The following LRMDA variants were observed in gnomAD, a reference collection of about 807,000 sequenced individuals.
LRMDA encodes leucine rich melanocyte differentiation associated.
LRMDA carries 18 observed loss-of-function variants against 29.8 expected under a neutral mutation model. The observed-to-expected ratio is 0.60, with a 90% CI of 0.42 to 0.90. The LOEUF (loss-of-function observed/expected upper bound fraction) is 0.90, where lower values mean the gene tolerates loss of function less well. LRMDA is among the 40% of genes least tolerant of loss of function. The probability of loss-of-function intolerance (pLI) is 0.00; values close to 1 mark genes in which losing one functional copy is unlikely to be tolerated. For synonymous variants in LRMDA, 125 were observed against 109.4 expected, an observed-to-expected ratio of 1.14 and a Z score of -0.89; for missense variants, 273 against 273.9, an observed-to-expected ratio of 1.00 and a Z score of 0.02.
In LRMDA at chr10:76,126,557, CCT is replaced by C. The variant is rs556236643; in HGVS notation, c.516+67780_516+67781del. On this transcript the variant is annotated intron_variant, in intron 5 of 6. Transcript: ENST00000611255. ...GTCTTTCATCCAGCCAATTGTTTCC[CCT>C]CTCTCCACTGCCTTTCTCCTCTCTA... Among the ~76,000 whole-genome samples the C allele has an allele frequency of 1.2e-3, 190 of 152,220 alleles. 1 individual carries two copies. Among genetic ancestry groups the C allele is most frequent in the South Asian group, 1.7e-3 (8 of 4,814 alleles).
At chr10:76,204,207 CCTGT>C (rs1851491719) in intron 5 of LRMDA, among the ~76,000 whole-genome samples, 1 of 150,330 alleles carries the variant, frequency 6.7e-6, no homozygotes, top group African/African-American at 2.5e-5. Flanking sequence ...ATTCCATGTG[CCTGT>C]CCACCCATCT....
At chr10:76,184,239 C>T (rs1469695565) in intron 5 of LRMDA, among the ~76,000 whole-genome samples, 2 of 152,016 alleles carry the variant, frequency 1.3e-5, no homozygotes, top group Non-Finnish European at 2.9e-5. Context: ...CCGTGTTGGC[C>T]AGGCTGGTTT....
chr10:75,856,758 T>C (rs563667170), intron 2 of LRMDA, among the ~76,000 whole-genome samples: 1 of 152,304 alleles, frequency 6.6e-6, no homozygotes, highest in South Asian at 2.1e-4. Flanking sequence ...AGCATTCCCC[T>C]TGAAAACTGG....
At chr10:75,576,026 A>T (rs1489258216) in intron 2 of LRMDA, among the ~76,000 whole-genome samples, 1 of 146,250 alleles carries the variant, frequency 6.8e-6, no homozygotes, top group Non-Finnish European at 1.5e-5. Context: ...AGAACCATTC[A>T]CTCCCCTGAA....
At chr10:76,426,108 G>GT (rs1396002243) in intron 6 of LRMDA, among the ~76,000 whole-genome samples, 1 of 152,146 alleles carries the variant, frequency 6.6e-6, no homozygotes, top group Non-Finnish European at 1.5e-5. Flanking sequence ...ATTCCTTTGG[G>GT]TATATAGCCA....
intron 2 of LRMDA, among the ~76,000 whole-genome samples, chr10:75,441,252 C>T (rs1844323851): frequency 6.6e-6 from 1 of 152,136 alleles, no homozygotes; most frequent in Non-Finnish European, 1.5e-5. Context: ...CCCCTCTGCC[C>T]CTCACTATAT....
At chr10:76,528,588 A>G (rs1368436803) in intron 6 of LRMDA, among the ~76,000 whole-genome samples, 2 of 152,178 alleles carry the variant, frequency 1.3e-5, no homozygotes, top group African/African-American at 4.8e-5. Context: ...TCCCCAAACA[A>G]CAATATAGTC....
At chr10:75,784,267 A>G (rs1843434178) in intron 2 of LRMDA, among the ~76,000 whole-genome samples, 1 of 152,206 alleles carries the variant, frequency 6.6e-6, no homozygotes, top group Admixed American at 6.5e-5. Context: ...CTCACCTATA[A>G]AATGGGGATA....
chr10:76,082,212 A>G (rs1265479746), intron 5 of LRMDA, among the ~76,000 whole-genome samples: 3 of 152,150 alleles, frequency 2.0e-5, no homozygotes, highest in African/African-American at 7.2e-5. Flanking sequence ...ATCTGTGTAT[A>G]CGCAGGGGGC....
intron 6 of LRMDA, among the ~76,000 whole-genome samples, chr10:76,524,451 G>T (rs1453581664): frequency 6.6e-6 from 1 of 152,146 alleles, no homozygotes; most frequent in Non-Finnish European, 1.5e-5. Context: ...CAACTTTAAT[G>T]GTTATTAGTG....
At chr10:76,037,467 G>A (rs961879216) in intron 3 of LRMDA, among the ~76,000 whole-genome samples, 1 of 152,238 alleles carries the variant, frequency 6.6e-6, no homozygotes. Flanking sequence ...GTTAGCTACT[G>A]TTTATACTTC....
chr10:76,253,783 A>AT (rs1852530534), intron 5 of LRMDA, among the ~76,000 whole-genome samples: 1 of 152,000 alleles, frequency 6.6e-6, no homozygotes, highest in Non-Finnish European at 1.5e-5. Context: ...ATCTATAAGA[A>AT]TTTTTTTGTT....
chr10:76,175,987 C>A (rs1167440076), intron 5 of LRMDA, among the ~76,000 whole-genome samples: 1 of 152,186 alleles, frequency 6.6e-6, no homozygotes. Flanking sequence ...GTGCAGATTT[C>A]TACCCAGCCA....
chr10:75,668,558 C>T (rs928720324), intron 2 of LRMDA, among the ~76,000 whole-genome samples: 12 of 152,086 alleles, frequency 7.9e-5, no homozygotes, highest in Admixed American at 5.2e-4. Context: ...GCTTTTTTGT[C>T]GGCTTTGTTT....
chr10:75,943,436 GC>G (rs1846427924), intron 2 of LRMDA, among the ~76,000 whole-genome samples: 1 of 152,134 alleles, frequency 6.6e-6, no homozygotes, highest in South Asian at 2.1e-4. Context: ...AAGGTACACA[GC>G]CAGAAATAAT....
intron 2 of LRMDA, among the ~76,000 whole-genome samples, chr10:75,468,209 A>G (rs1220965452): frequency 6.6e-6 from 1 of 152,174 alleles, no homozygotes; most frequent in Admixed American, 6.5e-5. Flanking sequence ...CTTCACATAA[A>G]TGGTTGTCGG....
intron 2 of LRMDA, among the ~76,000 whole-genome samples, chr10:75,708,051 T>G (rs2132174830): frequency 6.6e-6 from 1 of 152,328 alleles, no homozygotes; most frequent in East Asian, 1.9e-4. Context: ...GTTCTAGTGT[T>G]TTCACTTAAG....
intron 6 of LRMDA, among the ~76,000 whole-genome samples, chr10:76,414,617 T>C (rs1285452259): frequency 6.6e-6 from 1 of 152,182 alleles, no homozygotes; most frequent in Non-Finnish European, 1.5e-5. Flanking sequence ...TGAGAGGGCC[T>C]GGAAAAGGAG....
chr10:76,041,706 T>C (rs1848343110), intron 3 of LRMDA, among the ~76,000 whole-genome samples: 1 of 152,156 alleles, frequency 6.6e-6, no homozygotes, highest in African/African-American at 2.4e-5. Flanking sequence ...GGCAAGATGC[T>C]GCTTTGATCT....
Sources: allele counts gnomAD v4.1 joint callset (sites outside exome capture counted in the v4.1 genomes callset), GRCh38; gene constraint gnomAD v4.1.1; transcripts MANE v1.5; gene names NCBI Gene and HGNC (gene_info 2026-07-23, HGNC 2026-07-21).